PALLD: variants seen among roughly 807,000 people sequenced by gnomAD.
The protein encoded by PALLD is palladin, cytoskeletal associated protein, also known as palladin.
PALLD carries 61 observed loss-of-function variants against 123.5 expected under a neutral mutation model. The observed-to-expected ratio is 0.49, with a 90% CI of 0.40 to 0.61. The LOEUF is 0.61. Ranked by LOEUF, PALLD falls within the 20% of genes least tolerant of loss-of-function variation. PALLD has a pLI of 0.00. For synonymous variants in PALLD, 465 were observed against 496.4 expected (o/e 0.94, Z 0.84); for missense variants, 1,273 against 1,377.0 (o/e 0.92, Z 1.20).
Position 168,512,259 on chromosome 4 carries a change from C to A in PALLD, c.755C>A (p.Pro252Gln), listed in dbSNP as rs1279620104. 6.2e-7 allele frequency: 1 copy of A among 1,614,028 alleles called. No homozygotes were observed. Among genetic ancestry groups the A allele is most frequent in the Non-Finnish European group, 8.5e-7 (1 of 1,180,030 alleles). The stretch of plus-strand genomic sequence containing the variant: ...CAGGACAACCAGGACTTGGCAGTGC[C>A]ACACAACCGCAAGTCTCACCCACAG... ...CYQDNQDLAVPHNRKSHPQPH... is the reference protein window; with the variant it reads ...CYQDNQDLAVQHNRKSHPQPH... The change falls in exon 2 of 22, where the codon CCA becomes CAA. Residue 252 changes from proline to glutamine, a missense_variant. Pro to Gln is a moderately conservative substitution (Grantham distance 76). Around this residue, in one of 2 missense-constraint regions of PALLD, gnomAD observed 944 missense variants for 954.5 expected, o/e 0.99. Coordinates refer to ENST00000505667, the MANE Select transcript of PALLD (RefSeq NM_001166108.2).
Position 168,891,021 on chromosome 4 carries a change from T to G in PALLD, c.2064T>G (p.Leu688=). 6.2e-7 allele frequency: 1 copy of G among 1,614,142 alleles called. No homozygotes were observed. Among genetic ancestry groups the G allele is most frequent in the South Asian group, 1.1e-5 (1 of 91,084 alleles). The change falls in exon 11 of 22, where the codon CTT becomes CTG. Residue 688 remains leucine (L), a synonymous_variant. Coordinates refer to ENST00000505667, the MANE Select transcript of PALLD (RefSeq NM_001166108.2). ...TTATTCAAGACCTGGAACGAAAACT[T>G]CGCTTCAAGGAGGACCTCCTGAACA... ...DAVIQDLERK[L]RFKEDLLNNG...
At chr4:168,862,969 C>T (rs933709649) in intron 10 of PALLD, among the ~76,000 whole-genome samples, 4 of 152,170 alleles carry the variant, frequency 2.6e-5, no homozygotes, top group African/African-American at 9.7e-5. Context: ...CATTTTGTGA[C>T]ATTGAGAACA....
At chr4:168,599,677 T>C (rs1435868579) in intron 2 of PALLD, among the ~76,000 whole-genome samples, 1 of 152,012 alleles carries the variant, frequency 6.6e-6, no homozygotes, top group East Asian at 1.9e-4. Flanking sequence ...GGCAGGAGGA[T>C]CATTTGAGGC....
At chr4:168,652,407 A>G (rs763416995) in intron 2 of PALLD, among the ~76,000 whole-genome samples, 2 of 152,218 alleles carry the variant, frequency 1.3e-5, no homozygotes, top group Non-Finnish European at 2.9e-5. Flanking sequence ...GCCTTTGAAA[A>G]ATTAAATTAC....
chr4:168,803,763 C>T (rs1049287050), intron 10 of PALLD, among the ~76,000 whole-genome samples: 4 of 152,036 alleles, frequency 2.6e-5, no homozygotes, highest in African/African-American at 9.7e-5. Flanking sequence ...GCGCAGTAAC[C>T]GTGAGGGTTT....
intron 8 of PALLD, among the ~76,000 whole-genome samples, chr4:168,694,249 C>T (rs745323779): frequency 4.6e-5 from 7 of 152,146 alleles, no homozygotes; most frequent in Admixed American, 2.0e-4. Flanking sequence ...GAAAAACAGA[C>T]GTGACTACAA....
chr4:168,564,038 T>C (rs1298169383), intron 2 of PALLD, among the ~76,000 whole-genome samples: 5 of 152,164 alleles, frequency 3.3e-5, no homozygotes, highest in African/African-American at 9.7e-5. Flanking sequence ...CCAGTCTCCA[T>C]TGTCTGTCCA....
chr4:168,604,231 A>C (rs550158683), intron 2 of PALLD, among the ~76,000 whole-genome samples: 1 of 152,362 alleles, frequency 6.6e-6, no homozygotes, highest in Non-Finnish European at 1.5e-5. Flanking sequence ...GACACTTGAA[A>C]TTCATTACAA....
At chr4:168,522,561 C>T (rs1440083519) in intron 2 of PALLD, among the ~76,000 whole-genome samples, 1 of 152,216 alleles carries the variant, frequency 6.6e-6, no homozygotes, top group African/African-American at 2.4e-5. Context: ...CATACCTCCT[C>T]ATGGATCACT....
At chr4:168,781,883 G>T (rs530382728) in intron 10 of PALLD, among the ~76,000 whole-genome samples, 60 of 152,148 alleles carry the variant, frequency 3.9e-4, no homozygotes, top group African/African-American at 1.4e-3. Context: ...GACTGATTTT[G>T]CCTTATTGCT....
At chr4:168,584,534 G>C (rs188311866) in intron 2 of PALLD, among the ~76,000 whole-genome samples, 9 of 152,242 alleles carry the variant, frequency 5.9e-5, no homozygotes, top group African/African-American at 1.7e-4. Context: ...ATCTTAATTT[G>C]TGTGATTGCC....
At chr4:168,743,590 T>C (rs994281232) in intron 10 of PALLD, among the ~76,000 whole-genome samples, 20 of 152,220 alleles carry the variant, frequency 1.3e-4, no homozygotes, top group Non-Finnish European at 4.4e-5. Context: ...ACCATGATTT[T>C]AGGTCTGTAA....
At chr4:168,503,610 G>A (rs573984193) in intron 1 of PALLD, among the ~76,000 whole-genome samples, 1 of 147,682 alleles carries the variant, frequency 6.8e-6, no homozygotes. Flanking sequence ...TGGAGCCACT[G>A]CACTCCAGCC....
chr4:168,923,596 T>A (rs549887253), intron 18 of PALLD, among the ~76,000 whole-genome samples: 3 of 151,992 alleles, frequency 2.0e-5, no homozygotes, highest in African/African-American at 7.2e-5. Context: ...CTTTTTTTTT[T>A]AATGGGTTCC....
At chr4:168,554,257 T>A (rs1767043745) in intron 2 of PALLD, among the ~76,000 whole-genome samples, 1 of 152,224 alleles carries the variant, frequency 6.6e-6, no homozygotes, top group African/African-American at 2.4e-5. Context: ...TGAGTTTTTT[T>A]CTCTCCATTA....
At chr4:168,539,915 G>A (rs989521505) in intron 2 of PALLD, among the ~76,000 whole-genome samples, 1 of 151,976 alleles carries the variant, frequency 6.6e-6, no homozygotes, top group African/African-American at 2.4e-5. Context: ...GGTCACCCAG[G>A]TATTGAGCAT....
At chr4:168,728,039 C>A (rs528805040) in intron 10 of PALLD, among the ~76,000 whole-genome samples, 2 of 152,058 alleles carry the variant, frequency 1.3e-5, no homozygotes, top group South Asian at 4.1e-4. Context: ...TATTTCTGAG[C>A]TTTCTATTGT....
At chr4:168,575,070 A>T (rs1769408140) in intron 2 of PALLD, among the ~76,000 whole-genome samples, 1 of 152,142 alleles carries the variant, frequency 6.6e-6, no homozygotes, top group Non-Finnish European at 1.5e-5. Context: ...ACTGCAAATC[A>T]GGTGTCTGCC....
At chr4:168,733,752 G>A (rs115674697) in intron 10 of PALLD, among the ~76,000 whole-genome samples, 2,453 of 151,662 alleles carry the variant, frequency 0.016, 36 homozygotes, top group Non-Finnish European at 0.027. Flanking sequence ...TTATTTTTTT[G>A]AGACGGAGTC....
Sources: allele counts gnomAD v4.1 joint callset (sites outside exome capture counted in the v4.1 genomes callset), GRCh38; gene constraint gnomAD v4.1.1; regional missense constraint gnomAD v4.1.1; transcripts MANE v1.5; gene names NCBI Gene and HGNC (gene_info 2026-07-23, HGNC 2026-07-21).